Variants in RNF24 observed in about 807,000 individuals in gnomAD.
RNF24 encodes the protein ring finger protein 24.
A neutral mutation model predicts 20.0 loss-of-function variants in RNF24; 14 were observed. That is an observed-to-expected ratio of 0.70 (90% CI 0.46 to 1.10). The LOEUF (loss-of-function observed/expected upper bound fraction) is 1.10, where lower values mean the gene tolerates loss of function less well. Among genes scored for constraint, RNF24 ranks in the 50% least tolerant of loss-of-function variants. RNF24 has a pLI of 0.00. For missense variants in RNF24, 124 were observed against 177.6 expected, an observed-to-expected ratio of 0.70 and a Z score of 1.71; for synonymous variants, 45 against 61.1, an observed-to-expected ratio of 0.74 and a Z score of 1.23.
chr20:3,992,222 C>A (rs1980506690), intron 1 of RNF24, among the ~76,000 whole-genome samples: 1 of 152,160 alleles, frequency 6.6e-6, no homozygotes, highest in African/African-American at 2.4e-5. Flanking sequence ...GGAAATCTTC[C>A]ATGTCTTTGA....
At chr20:3,986,337 G>C (rs573953838) in intron 1 of RNF24, among the ~76,000 whole-genome samples, 74 of 151,742 alleles carry the variant, frequency 4.9e-4, no homozygotes, top group African/African-American at 1.7e-3. Flanking sequence ...CTGCAGCCTC[G>C]ACCTCCTGAG....
intron 1 of RNF24, among the ~76,000 whole-genome samples, chr20:3,980,354 A>G (rs560209664): frequency 4.5e-4 from 69 of 152,264 alleles, no homozygotes; most frequent in African/African-American, 1.4e-3. Context: ...ACCGAGTCCT[A>G]CGTTTTTTTG....
chr20:4,010,397 C>T (rs890213772), intron 1 of RNF24, among the ~76,000 whole-genome samples: 3 of 152,058 alleles, frequency 2.0e-5, no homozygotes, highest in Non-Finnish European at 4.4e-5. Flanking sequence ...AATATGTATC[C>T]ATGAGATAAA....
Position 3,948,655 on chromosome 20 carries a change from G to A in RNF24, c.144-376C>T, listed in dbSNP as rs531424353. ...AAATGTACATACCAGGATAACTGTT[G>A]CTCATATCAAGACATGGTACATTTC... On this transcript the variant is annotated intron_variant, in intron 2 of 5. Coordinates refer to ENST00000358395, the MANE Select transcript of RNF24 (RefSeq NM_001134337.3). Among the ~76,000 whole-genome samples the A allele has an allele frequency of 2.6e-5, 4 of 152,202 alleles. No homozygotes were observed. In the South Asian group the frequency reaches 8.3e-4, roughly 32 times the overall value.
At chr20:3,953,434 G>A (rs138841602) in intron 2 of RNF24, among the ~76,000 whole-genome samples, 4 of 148,090 alleles carry the variant, frequency 2.7e-5, no homozygotes, top group East Asian at 2.0e-4. Context: ...ATTACAGCAT[G>A]AGCCACCGTG....
chr20:4,002,911 GAC>G lies in RNF24; in HGVS notation c.-8+12524_-8+12525del, dbSNP rs1981532601. 3.3e-5 allele frequency among the ~76,000 whole-genome samples: 5 copies of G among 152,216 alleles called. No homozygotes were observed. In the South Asian group the frequency reaches 1.0e-3, roughly 32 times the overall value. On this transcript the variant is annotated intron_variant, in intron 1 of 5. Coordinates refer to ENST00000358395, the MANE Select transcript of RNF24 (RefSeq NM_001134337.3). ...AGTGAATTGAAATAGAGAAAATGAAGACACAGAAAACAGAAGTCACAGCTGCA... is the reference window on the plus strand; with the variant it reads ...AGTGAATTGAAATAGAGAAAATGAAGACAGAAAACAGAAGTCACAGCTGCA...
rs1600663004 is a variant in RNF24, at chr20:3,963,998, T to C, written c.20A>G (p.His7Arg). 6.2e-7 allele frequency: 1 copy of C among 1,613,470 alleles called. No homozygotes were observed. The highest frequency in any genetic ancestry group is 8.5e-7 in the Non-Finnish European group (1 of 1,179,764). Reference protein sequence around the residue: MSSDFPHYNFRMPNIGF... With the variant: MSSDFPRYNFRMPNIGF... Reference sequence around the variant, plus strand: ...AATATTAGGCATCCTGAAGTTGTAATGTGGGAAATCCGAGCTCATGGATGA... The same window carrying C: ...AATATTAGGCATCCTGAAGTTGTAACGTGGGAAATCCGAGCTCATGGATGA... Residue 7 changes from histidine (H) to arginine (R), a missense_variant, in exon 2 of 6, where the codon CAT becomes CGT. Transcript: ENST00000358395.
chr20:4,000,457 G>T (rs1461606298), intron 1 of RNF24, among the ~76,000 whole-genome samples: 1 of 152,080 alleles, frequency 6.6e-6, no homozygotes, highest in Non-Finnish European at 1.5e-5. Context: ...CCTGGGAGGT[G>T]GAGGCTGCAG....
chr20:3,951,442 A>T (rs1349502013), intron 2 of RNF24, among the ~76,000 whole-genome samples: 1 of 151,520 alleles, frequency 6.6e-6, no homozygotes, highest in Non-Finnish European at 1.5e-5. Flanking sequence ...TTATACATAT[A>T]CTCTATTATT....
chr20:4,003,688 G>C (rs1981611955), intron 1 of RNF24, among the ~76,000 whole-genome samples: 1 of 120,846 alleles, frequency 8.3e-6, no homozygotes, highest in Admixed American at 1.1e-4. Context: ...TATTGCCCAG[G>C]ATGGAGTGCA....
At chr20:4,006,554 A>C (rs1473628117) in intron 1 of RNF24, among the ~76,000 whole-genome samples, 2 of 152,240 alleles carry the variant, frequency 1.3e-5, no homozygotes, top group Non-Finnish European at 2.9e-5. Context: ...AGTTACTTAC[A>C]ATATAAAAAC....
At chr20:3,981,497 G>A (rs1979373757) in intron 1 of RNF24, among the ~76,000 whole-genome samples, 1 of 151,246 alleles carries the variant, frequency 6.6e-6, no homozygotes, top group Non-Finnish European at 1.5e-5. Flanking sequence ...TACCTTTTTT[G>A]GAGTCACTTT....
chr20:3,987,824 G>T (rs1156465259), intron 1 of RNF24, among the ~76,000 whole-genome samples: 1 of 152,134 alleles, frequency 6.6e-6, no homozygotes, highest in Admixed American at 6.6e-5. Flanking sequence ...TTCACTGCAG[G>T]CAGTAATTTA....
intron 4 of RNF24, among the ~76,000 whole-genome samples, chr20:3,942,516 A>C (rs2090968943): frequency 6.6e-6 from 1 of 152,060 alleles, no homozygotes. Context: ...TCTGTCACCC[A>C]GGCTGGAGTG....
At chr20:3,980,983 AG>A (rs981210780) in intron 1 of RNF24, among the ~76,000 whole-genome samples, 8 of 114,304 alleles carry the variant, frequency 7.0e-5, no homozygotes, top group African/African-American at 2.7e-4. Context: ...GGGCAGGGGG[AG>A]GGGGCGGCCC....
At chr20:3,936,351 GTTCCTTCATCTGTAC>G (rs2090890974) in intron 4 of RNF24, among the ~76,000 whole-genome samples, 1 of 152,192 alleles carries the variant, frequency 6.6e-6, no homozygotes, top group African/African-American at 2.4e-5. Flanking sequence ...ACAGAGCTCT[GTTCCTTCATCTGTAC>G]AATAAGGACA....
intron 1 of RNF24, among the ~76,000 whole-genome samples, chr20:3,970,714 T>C (rs1978319383): frequency 6.6e-6 from 1 of 152,050 alleles, no homozygotes; most frequent in Non-Finnish European, 1.5e-5. Flanking sequence ...AACTAAGCGA[T>C]GGGCTCAACA....
intron 1 of RNF24, among the ~76,000 whole-genome samples, chr20:3,994,868 C>T (rs941426139): frequency 1.3e-5 from 2 of 152,140 alleles, no homozygotes; most frequent in African/African-American, 2.4e-5. Flanking sequence ...ATAAACTGCA[C>T]GTACTAAAAG....
chr20:3,973,321 T>G (rs2147008342), intron 1 of RNF24, among the ~76,000 whole-genome samples: 1 of 151,410 alleles, frequency 6.6e-6, no homozygotes, highest in East Asian at 1.9e-4. Flanking sequence ...ATAAAAAATC[T>G]CAAATCAATA....
Sources: gnomAD v4.1 joint callset for allele counts (sites outside exome capture counted in the v4.1 genomes callset) on GRCh38, gnomAD v4.1.1 for gene constraint, MANE v1.5 for transcripts, NCBI Gene and HGNC (gene_info 2026-07-23, HGNC 2026-07-21) for gene names.